Variants in RNPEP observed in about 807,000 individuals in gnomAD.
RNPEP encodes arginyl aminopeptidase, also known as aminopeptidase B.
A neutral mutation model predicts 70.1 loss-of-function variants in RNPEP; 57 were observed. The observed-to-expected ratio is 0.81, with a 90% CI of 0.66 to 1.01. The LOEUF is 1.01. Among genes scored for constraint, RNPEP ranks in the 50% least tolerant of loss-of-function variants. The pLI is 0.00. For synonymous variants in RNPEP, 335 were observed against 357.4 expected (o/e 0.94, Z 0.71); for missense variants, 787 against 852.4 (o/e 0.92, Z 0.96).
At chr1:202,002,165 CTTTTT>C (rs112152568) in intron 8 of RNPEP, among the ~76,000 whole-genome samples, 1 of 138,100 alleles carries the variant, frequency 7.2e-6, no homozygotes, top group Non-Finnish European at 1.6e-5. Flanking sequence ...CTTTTCTTTT[CTTTTT>C]TTTTTTTTTT....
At position 202,003,362 on chromosome 1, in the gene RNPEP, G is replaced by C. The variant is rs1331593647; in HGVS notation, c.1552G>C (p.Asp518His). Reference protein sequence around the residue: ...LAQLWAAEELDMKAIEAVAIS... With the variant: ...LAQLWAAEELHMKAIEAVAIS... ...CCAACTGTGGGCAGCCGAGGAGCTGGACATGAAGGCCATTGAAGCCGTGGC... is the reference window on the plus strand; with the variant it reads ...CCAACTGTGGGCAGCCGAGGAGCTGCACATGAAGGCCATTGAAGCCGTGGC... The change falls in exon 9 of 11, where the codon GAC (aspartate) becomes CAC (histidine). Residue 518 changes from aspartate (D) to histidine (H), a missense_variant. Transcript: ENST00000295640. 6.2e-7 allele frequency: 1 copy of C among 1,614,060 alleles called. No homozygotes were observed. Among genetic ancestry groups the C allele is most frequent in the African/African-American group, 1.3e-5 (1 of 74,914 alleles).
chr1:201,989,385 C>G lies in RNPEP; in HGVS notation c.591C>G (p.Val197=). Residue 197 remains valine (V), a splice_region_variant and synonymous_variant, in exon 3 of 11, where the codon GTC becomes GTG. Coordinates refer to ENST00000295640, the MANE Select transcript of RNPEP (RefSeq NM_020216.4). ...TCCTAAGCTTTCTCTGTTGTCAGGTCCCAGATGGCTTCACAGCTGTGATGA... is the reference window on the plus strand; with the variant it reads ...TCCTAAGCTTTCTCTGTTGTCAGGTGCCAGATGGCTTCACAGCTGTGATGA... ...VKYKYSALIE[V]PDGFTAVMSA... is the part of the protein sequence containing the mutation. The G allele has an allele frequency of 6.2e-7, 1 of 1,613,936 alleles. No individual in the cohort carries two copies. Among genetic ancestry groups the G allele is most frequent in the Non-Finnish European group, 8.5e-7 (1 of 1,179,976 alleles).
intron 3 of RNPEP, 50 bp downstream of exon 3, chr1:201,989,581 G>A (rs1427900026): frequency 1.2e-6 from 2 of 1,604,102 alleles, no homozygotes; most frequent in Non-Finnish European, 1.7e-6. Context: ...TCAGAGGTGA[G>A]GAGGACTCTG....
intron 3 of RNPEP, among the ~76,000 whole-genome samples, chr1:201,994,141 A>G (rs983904389): frequency 6.6e-6 from 1 of 151,330 alleles, no homozygotes; most frequent in African/African-American, 2.4e-5. Flanking sequence ...TCCTTTTCTC[A>G]TCTCCTTCCC....
At position 201,999,259 on chromosome 1, in the gene RNPEP, G is replaced by A. The variant is rs1194647739; in HGVS notation, c.1091-643G>A. ...CAAATCATTTTCTAAAAATAAGGCC[G>A]GGGGCTGGGCGTGGTGGTTCACGCT... On this transcript the variant is annotated intron_variant, in intron 5 of 10. Transcript: ENST00000295640. 4.6e-5 allele frequency among the ~76,000 whole-genome samples: 7 copies of A among 150,808 alleles called. No individual in the cohort carries two copies. The East Asian group carries it at 5.9e-4, about 13-fold the overall frequency.
rs1269946185 is a variant in RNPEP, at chr1:201,982,852, C to T, written c.186C>T (p.Thr62=). ...PGAGSRGLSG[T]AVLDLRCLEP... is the part of the protein sequence containing the mutation. ...CAGGGAGCCGGGGGCTGAGCGGCAC[C>T]GCGGTCCTGGACCTGCGCTGCCTGG... The change falls in exon 1 of 11, where the codon ACC becomes ACT. Residue 62 remains threonine, a synonymous_variant. Transcript: ENST00000295640. 2.2e-6 allele frequency: 3 copies of T among 1,359,788 alleles called. No individual in the cohort carries two copies. The highest frequency in any genetic ancestry group is 2.8e-6 in the Non-Finnish European group (3 of 1,059,252). The allele number at this position is 1,359,788 out of a possible 1,614,324, so 84.2% of individuals were successfully genotyped here. A position where few individuals can be genotyped will look rare whatever the true frequency, so the allele number is the denominator to read the frequency against.
intron 4 of RNPEP, among the ~76,000 whole-genome samples, chr1:201,996,700 G>T (rs1206094805): frequency 6.6e-6 from 1 of 152,040 alleles, no homozygotes; most frequent in Non-Finnish European, 1.5e-5. Context: ...CACCATGTTG[G>T]CCAGGCTGGT....
intron 1 of RNPEP, chr1:201,983,736 C>A: frequency 8.9e-7 from 1 of 1,124,052 alleles, no homozygotes; most frequent in Non-Finnish European, 1.1e-6. Flanking sequence ...AATAATTTGG[C>A]CTTCTCACTG....
chr1:201,994,019 G>A (rs548595558), intron 3 of RNPEP, among the ~76,000 whole-genome samples: 32 of 151,204 alleles, frequency 2.1e-4, no homozygotes, highest in African/African-American at 7.8e-4. Context: ...GATAACATAT[G>A]TGATGCTTTT....
intron 5 of RNPEP, 21 bp from the exon 6 acceptor site, chr1:201,999,881 T>C: frequency 6.2e-7 from 1 of 1,600,710 alleles, no homozygotes; most frequent in Non-Finnish European, 8.5e-7. Flanking sequence ...TTCCCGAGGC[T>C]TACGTTTGAT....
At chr1:201,984,788 G>A (rs1397535256) in intron 1 of RNPEP, among the ~76,000 whole-genome samples, 1 of 141,804 alleles carries the variant, frequency 7.1e-6, no homozygotes, top group Non-Finnish European at 1.5e-5. Flanking sequence ...AGTAAGCTGT[G>A]TTAGCTCTTA....
At chr1:201,989,077 T>C (rs1302791716) in intron 2 of RNPEP, 33 bp downstream of exon 2, 5 of 1,596,432 alleles carry the variant, frequency 3.1e-6, no homozygotes, top group Middle Eastern at 1.7e-4. Context: ...CACCTGCCCT[T>C]GGGATGAAGA....
chr1:201,983,955 C>CCTCAAATAA, intron 1 of RNPEP: 1 of 835,970 alleles, frequency 1.2e-6, no homozygotes. Flanking sequence ...TTATTTGAGG[C>CCTCAAATAA]AGAGTCTCAC....
rs1449738193 is a variant in RNPEP at position 201,989,474 on chromosome 1, C to G, written c.680C>G (p.Pro227Arg). Residue 227 changes from proline to arginine, a missense_variant, in exon 3 of 11, where the codon CCC (proline) becomes CGC (arginine). Pro to Arg is a moderately radical substitution (Grantham distance 103, BLOSUM62 -2). Coordinates refer to ENST00000295640, the MANE Select transcript of RNPEP (RefSeq NM_020216.4). ...TTCTTCCAGATGTGTCAGCCCATCCCCTCCTATCTGATAGCTTTGGCCATC... is the reference window on the plus strand; with the variant it reads ...TTCTTCCAGATGTGTCAGCCCATCCGCTCCTATCTGATAGCTTTGGCCATC... Reference protein sequence around the residue: ...KFFFQMCQPIPSYLIALAIGD... With the variant: ...KFFFQMCQPIRSYLIALAIGD... 1.2e-6 allele frequency: 2 copies of G among 1,614,050 alleles called. No individual in the cohort carries two copies. Among genetic ancestry groups the G allele is most frequent in the Non-Finnish European group, 1.7e-6 (2 of 1,180,038 alleles).
chr1:201,988,640 G>A (rs1683218052), intron 1 of RNPEP, among the ~76,000 whole-genome samples: 3 of 152,096 alleles, frequency 2.0e-5, no homozygotes, highest in African/African-American at 7.2e-5. Context: ...CTCGGTCCAA[G>A]GTCTCTGAGA....
chr1:201,996,205 G>A lies in RNPEP; in HGVS notation c.796G>A (p.Val266Met), dbSNP rs145423209. 1.2e-6 allele frequency: 2 copies of A among 1,614,198 alleles called. No homozygotes were observed. The highest frequency in any genetic ancestry group is 1.7e-6 in the Non-Finnish European group (2 of 1,180,030). Residue 266 changes from valine to methionine, a missense_variant, in exon 4 of 11, where the codon GTG becomes ATG. Physicochemically the swap from Val to Met is conservative, Grantham distance 21. Coordinates refer to ENST00000295640, the MANE Select transcript of RNPEP (RefSeq NM_020216.4). ...TGCTGCCAAGGAGGAGTACAACGGG[G>A]TGATAGAAGAATTTTTGGCAACAGG... ...IDAAKEEYNG[V>M]IEEFLATGEK...
rs1683228339 is a variant in RNPEP, at chr1:201,988,967, C to G, written c.511C>G (p.Gln171Glu). 2 of 1,613,984 alleles carry G rather than the reference C, an allele frequency of 1.2e-6. No homozygotes were observed. Among genetic ancestry groups the G allele is most frequent in the Non-Finnish European group, 1.7e-6 (2 of 1,180,008 alleles). ...GAAGCCCTTCGTGTACACCCAGGGC[C>G]AGGCTGTCCTAAACCGGGCCTTCTT... Reference protein sequence around the residue: ...KKKPFVYTQGQAVLNRAFFPC... With the variant: ...KKKPFVYTQGEAVLNRAFFPC... Residue 171 changes from glutamine to glutamate, a missense_variant, in exon 2 of 11, where the codon CAG (glutamine) becomes GAG (glutamate). Coordinates refer to ENST00000295640, the MANE Select transcript of RNPEP (RefSeq NM_020216.4).
Position 201,997,199 on chromosome 1 carries a change from G to A in RNPEP, c.855-120G>A, listed in dbSNP as rs1414379519. The A allele has an allele frequency of 3.5e-5, 27 of 762,682 alleles. No individual in the cohort carries two copies. In the East Asian group the frequency reaches 6.1e-4, roughly 17 times the overall value. 47.2% of individuals were successfully genotyped at this position (762,682 alleles called of 1,614,324 possible). A position where few individuals can be genotyped will look rare whatever the true frequency, so the allele number is the denominator to read the frequency against. The stretch of plus-strand genomic sequence containing the variant: ...TATTTTCCGCACTGGGCCCGAAGTC[G>A]TACTCTGCCTGTTTAGTGACTGCAT... On this transcript the variant is annotated intron_variant, in intron 4 of 10. Transcript: ENST00000295640.
At chr1:201,987,340 A>G (rs1199173235) in intron 1 of RNPEP, among the ~76,000 whole-genome samples, 1 of 151,658 alleles carries the variant, frequency 6.6e-6, no homozygotes, top group South Asian at 2.1e-4. Flanking sequence ...TTACTGACCT[A>G]TGCTCCATCC....
Sources: gnomAD v4.1 joint callset for allele counts (sites outside exome capture counted in the v4.1 genomes callset) on GRCh38, gnomAD v4.1.1 for gene constraint, MANE v1.5 for transcripts, NCBI Gene and HGNC (gene_info 2026-07-23, HGNC 2026-07-21) for gene names.